Variants in NCAM2 observed in about 807,000 individuals in gnomAD.
NCAM2 encodes neural cell adhesion molecule 2.
A neutral mutation model predicts 98.1 loss-of-function variants in NCAM2; 30 were observed. The observed-to-expected ratio is 0.31, with a 90% confidence interval of 0.23 to 0.41. NCAM2 has a LOEUF of 0.41. Ranked by LOEUF, NCAM2 falls within the 10% of genes least tolerant of loss-of-function variation. The pLI is 1.00. For synonymous variants in NCAM2, 368 were observed against 342.4 expected, an observed-to-expected ratio of 1.07 and a Z score of -0.83; for missense variants, 867 against 1,005.8, an observed-to-expected ratio of 0.86 and a Z score of 1.87.
Position 21,439,399 on chromosome 21 carries a change from G to A in NCAM2, c.1654+7118G>A, listed in dbSNP as rs539854764. ...CTCCCTCAGCCTCCCAAAGTGCTGG[G>A]ATTACAGGCGTGAGCCACTGCGCCC... On this transcript the variant is annotated intron_variant, in intron 12 of 17. Coordinates refer to ENST00000400546, the MANE Select transcript of NCAM2 (RefSeq NM_004540.5). Among the ~76,000 whole-genome samples the A allele has an allele frequency of 3.7e-4, 57 of 152,272 alleles. No individual in the cohort carries two copies. In the South Asian group the frequency reaches 0.012, roughly 32 times the overall value.
intron 1 of NCAM2, among the ~76,000 whole-genome samples, chr21:21,085,393 T>A (rs570410126): frequency 6.6e-6 from 1 of 152,264 alleles, no homozygotes; most frequent in East Asian, 1.9e-4. Flanking sequence ...CCTCTGCACA[T>A]CTGCTCCGAT....
chr21:21,450,803 C>T (rs1190176637), intron 12 of NCAM2, among the ~76,000 whole-genome samples: 9 of 110,558 alleles, frequency 8.1e-5, no homozygotes, highest in African/African-American at 3.0e-4. Context: ...TACACACACA[C>T]ACACACACAC....
At chr21:21,215,927 G>A (rs555759198) in intron 1 of NCAM2, among the ~76,000 whole-genome samples, 1 of 152,204 alleles carries the variant, frequency 6.6e-6, no homozygotes, top group African/African-American at 2.4e-5. Flanking sequence ...AGTAACAAGA[G>A]AGCTAAAATT....
intron 1 of NCAM2, among the ~76,000 whole-genome samples, chr21:21,086,275 G>T (rs1233659538): frequency 2.6e-5 from 4 of 152,112 alleles, no homozygotes; most frequent in Non-Finnish European, 5.9e-5. Flanking sequence ...AGACAATCTT[G>T]AAACAGAAGA....
Position 21,482,045 on chromosome 21 carries a change from C to G in NCAM2, c.2077+4574C>G, listed in dbSNP as rs542029206. Among the ~76,000 whole-genome samples, 10 of 152,066 alleles carry G rather than the reference C, an allele frequency of 6.6e-5. No individual in the cohort carries two copies. The South Asian group carries it at 1.9e-3, about 28-fold the overall frequency. On this transcript the variant is annotated intron_variant, in intron 15 of 17. Coordinates refer to ENST00000400546, the MANE Select transcript of NCAM2 (RefSeq NM_004540.5). ...CCCGGGAGTTGGAGGTTGCAATGAG[C>G]CAAGATCGCGCCATTGCACTCCAGC...
chr21:21,392,612 G>C (rs1291223939), intron 9 of NCAM2, among the ~76,000 whole-genome samples: 1 of 152,084 alleles, frequency 6.6e-6, no homozygotes, highest in Non-Finnish European at 1.5e-5. Flanking sequence ...GCCAGGGTCT[G>C]TTGTTTTTGA....
chr21:21,042,034 C>G (rs73895159), intron 1 of NCAM2, among the ~76,000 whole-genome samples: 4,252 of 152,216 alleles, frequency 0.028, 194 homozygotes, highest in African/African-American at 0.097. Flanking sequence ...CCCTTCCTAA[C>G]ATATTTTCAT....
At chr21:21,125,595 T>C (rs1161972797) in intron 1 of NCAM2, among the ~76,000 whole-genome samples, 9 of 132,018 alleles carry the variant, frequency 6.8e-5, no homozygotes, top group African/African-American at 2.5e-4. Context: ...TACATATTTA[T>C]TAAATATATA....
chr21:21,469,820 G>A (rs556119988), intron 14 of NCAM2, among the ~76,000 whole-genome samples: 198 of 151,970 alleles, frequency 1.3e-3, no homozygotes, highest in African/African-American at 4.4e-3. Flanking sequence ...ACTCCTTTCA[G>A]AGGACAAGTT....
At position 21,098,979 on chromosome 21, in the gene NCAM2, A is replaced by G. The variant is rs114766202; in HGVS notation, c.55+100361A>G. Among the ~76,000 whole-genome samples the G allele has an allele frequency of 2.6e-3, 397 of 151,962 alleles. No individual in the cohort carries two copies. In the Middle Eastern group the frequency reaches 0.037, roughly 14 times the overall value. On this transcript the variant is annotated intron_variant, in intron 1 of 17. Transcript: ENST00000400546. ...TGGTGAAAGCACTTATAAAAAGCTA[A>G]GAATCAAATGAGGAAACCAAGTCCA...
intron 9 of NCAM2, among the ~76,000 whole-genome samples, chr21:21,406,847 A>C (rs1218421164): frequency 1.3e-5 from 2 of 152,172 alleles, no homozygotes; most frequent in African/African-American, 4.8e-5. Context: ...CACAAATCCT[A>C]AGCCAAAAAA....
chr21:21,015,384 A>G (rs999791455), intron 1 of NCAM2, among the ~76,000 whole-genome samples: 5 of 152,202 alleles, frequency 3.3e-5, no homozygotes, highest in African/African-American at 9.6e-5. Context: ...ACCTTGAGCA[A>G]ACCCCTACCC....
chr21:21,312,950 A>T (rs1245499302), intron 5 of NCAM2, among the ~76,000 whole-genome samples: 2 of 151,684 alleles, frequency 1.3e-5, no homozygotes, highest in East Asian at 3.8e-4. Context: ...ATTTTGAGTA[A>T]CTTTGTGGTT....
At chr21:21,235,774 T>C (rs1396024806) in intron 1 of NCAM2, among the ~76,000 whole-genome samples, 2 of 152,078 alleles carry the variant, frequency 1.3e-5, no homozygotes, top group African/African-American at 4.8e-5. Context: ...ATACCCTGAA[T>C]TCAGATCTCA....
chr21:21,256,349 A>C (rs2071672680), intron 1 of NCAM2, among the ~76,000 whole-genome samples: 1 of 151,870 alleles, frequency 6.6e-6, no homozygotes, highest in Admixed American at 6.6e-5. Flanking sequence ...AGAGCAAAAA[A>C]CTCTGTCTCA....
chr21:21,225,531 C>G (rs928856), intron 1 of NCAM2, among the ~76,000 whole-genome samples: 10,649 of 152,034 alleles, frequency 0.07, 747 homozygotes, highest in East Asian at 0.35. Context: ...ATAGTTGTAT[C>G]TCAGTGTGTT....
intron 1 of NCAM2, among the ~76,000 whole-genome samples, chr21:21,100,767 T>C (rs1337950731): frequency 6.6e-6 from 1 of 152,014 alleles, no homozygotes; most frequent in African/African-American, 2.4e-5. Flanking sequence ...CTTCTCCCAG[T>C]AATTTTGCTC....
intron 2 of NCAM2, among the ~76,000 whole-genome samples, chr21:21,283,508 T>C (rs1471436612): frequency 6.6e-6 from 1 of 151,918 alleles, no homozygotes; most frequent in East Asian, 1.9e-4. Flanking sequence ...ATTACCTAGA[T>C]AAGTATCATT....
intron 8 of NCAM2, among the ~76,000 whole-genome samples, chr21:21,359,883 G>A (rs1454781672): frequency 6.6e-6 from 1 of 151,832 alleles, no homozygotes; most frequent in Non-Finnish European, 1.5e-5. Flanking sequence ...AGTTAGGTAT[G>A]TGGTATTCTA....
Sources: gnomAD v4.1 joint callset for allele counts (sites outside exome capture counted in the v4.1 genomes callset) on GRCh38, gnomAD v4.1.1 for gene constraint, MANE v1.5 for transcripts, NCBI Gene and HGNC (gene_info 2026-07-23, HGNC 2026-07-21) for gene names.